The following RGS22 variants were observed in gnomAD, a reference collection of about 807,000 sequenced individuals.
RGS22 encodes the protein regulator of G protein signaling 22, also known as regulator of G-protein signaling 22.
RGS22 carries 148 observed loss-of-function variants against 172.9 expected under a neutral mutation model. That is an observed-to-expected ratio of 0.86 (90% CI 0.75 to 0.98). RGS22 has a LOEUF of 0.98. RGS22 is among the 50% of genes least tolerant of loss of function. The pLI is 0.00. For missense variants in RGS22, 1,347 were observed against 1,440.8 expected, an observed-to-expected ratio of 0.93 and a Z score of 1.05; for synonymous variants, 458 against 480.2, an observed-to-expected ratio of 0.95 and a Z score of 0.60.
At chr8:100,010,571 T>C (rs1816265779) in intron 14 of RGS22, among the ~76,000 whole-genome samples, 1 of 152,218 alleles carries the variant, frequency 6.6e-6, no homozygotes, top group South Asian at 2.1e-4. Flanking sequence ...TCTGCTGCTA[T>C]GCCTGTCACT....
chr8:100,044,642 T>TC (rs34492372), intron 11 of RGS22, among the ~76,000 whole-genome samples: 2 of 151,276 alleles, frequency 1.3e-5, no homozygotes, highest in South Asian at 2.1e-4. Context: ...TTTTTTTTTT[T>TC]CGGATTATCT....
chr8:99,968,757 G>T (rs1383898533), intron 23 of RGS22, among the ~76,000 whole-genome samples: 1 of 152,168 alleles, frequency 6.6e-6, no homozygotes, highest in Non-Finnish European at 1.5e-5. Flanking sequence ...CAATTGTTTG[G>T]TGTACCTGAA....
rs772801838 is a variant in RGS22 at position 100,040,076 on chromosome 8, C to T, written c.1950G>A (p.Val650=). 19 of 1,608,778 alleles carry T rather than the reference C, an allele frequency of 1.2e-5. No homozygotes were observed. In the East Asian group the frequency reaches 4.0e-4, roughly 34 times the overall value. The change falls in exon 13 of 28, where the codon GTG becomes GTA. Residue 650 remains valine (V), a synonymous_variant. Coordinates refer to ENST00000360863, the MANE Select transcript of RGS22 (RefSeq NM_015668.5). ...ATCCTCCCAAGGCACCAACATCTGACACGGTTTTAACCTAGATAACAAAAC... is the reference window on the plus strand; with the variant it reads ...ATCCTCCCAAGGCACCAACATCTGATACGGTTTTAACCTAGATAACAAAAC... ...AYTEEPRVKT[V]SDVGALGGSD... is the part of the protein sequence containing the mutation.
In RGS22 at chr8:100,008,511, T is replaced by C. The variant is rs1237968558; in HGVS notation, c.2225A>G (p.Glu742Gly). The C allele has an allele frequency of 1.2e-6, 2 of 1,613,290 alleles. No homozygotes were observed. Among genetic ancestry groups the C allele is most frequent in the South Asian group, 2.2e-5 (2 of 90,852 alleles). ...SATLDIGLQQ[E>G]KKKEIYMKIQ... ...TTTCATATAAATTTCTTTTTTCTTT[T>C]CCTGTTGGAGTCCAATGTCAAGAGT... is the stretch of plus-strand genomic sequence containing the variant. Residue 742 changes from glutamate to glycine, a missense_variant, in exon 15 of 28, where the codon GAA (glutamate) becomes GGA (glycine). By Grantham distance (98) the Glu-to-Gly change is moderately conservative. Transcript: ENST00000360863.
intron 3 of RGS22, among the ~76,000 whole-genome samples, chr8:100,081,391 T>C (rs1381710252): frequency 6.8e-6 from 1 of 147,760 alleles, no homozygotes; most frequent in African/African-American, 2.5e-5. Context: ...TATTTAAATT[T>C]TAATGTCTCA....
At chr8:99,994,283 A>G (rs540163366) in intron 20 of RGS22, among the ~76,000 whole-genome samples, 62 of 152,286 alleles carry the variant, frequency 4.1e-4, no homozygotes, top group African/African-American at 1.4e-3. Flanking sequence ...GGCAAGAGAA[A>G]GAAATAAAGG....
intron 9 of RGS22, among the ~76,000 whole-genome samples, chr8:100,056,128 TG>T (rs1039652414): frequency 8.5e-5 from 13 of 152,178 alleles, no homozygotes; most frequent in African/African-American, 2.9e-4. Context: ...AGGAATTTGT[TG>T]GGACATGGAG....
At position 100,009,705 on chromosome 8, in the gene RGS22, G is replaced by C. The variant is rs531137391; in HGVS notation, c.2167-1136C>G. ...TAGAATTTGAAACTGATAATATCTA[G>C]ATCAACTCAGAATAGACAGATACAG... is the stretch of plus-strand genomic sequence containing the variant. On this transcript the variant is annotated intron_variant, in intron 14 of 27. Coordinates refer to ENST00000360863, the MANE Select transcript of RGS22 (RefSeq NM_015668.5). 8.5e-5 allele frequency among the ~76,000 whole-genome samples: 13 copies of C among 152,188 alleles called. No individual in the cohort carries two copies. The East Asian group carries it at 1.7e-3, about 20-fold the overall frequency.
chr8:99,962,258 G>C, intron 27 of RGS22, 136 bp downstream of exon 27: 1 of 609,980 alleles, frequency 1.6e-6, no homozygotes. Flanking sequence ...GGGAGGCAAG[G>C]CTCTCCTCCC....
intron 3 of RGS22, among the ~76,000 whole-genome samples, chr8:100,089,107 T>C (rs1812367522): frequency 6.6e-6 from 1 of 151,564 alleles, no homozygotes; most frequent in South Asian, 2.1e-4. Context: ...GCTCCTGAGA[T>C]AAAATAAACA....
chr8:100,007,252 C>T (rs1195022721), intron 15 of RGS22, among the ~76,000 whole-genome samples: 1 of 152,196 alleles, frequency 6.6e-6, no homozygotes, highest in Admixed American at 6.5e-5. Context: ...AATGCAAAGG[C>T]AGCAGAGTTC....
At chr8:100,012,090 T>C (rs558611830) in intron 14 of RGS22, among the ~76,000 whole-genome samples, 1 of 151,426 alleles carries the variant, frequency 6.6e-6, no homozygotes, top group East Asian at 2.0e-4. Context: ...ATGGTGTTAA[T>C]AATATATATT....
At chr8:99,982,648 C>T (rs907636645) in intron 21 of RGS22, among the ~76,000 whole-genome samples, 7 of 152,208 alleles carry the variant, frequency 4.6e-5, no homozygotes, top group Admixed American at 1.3e-4. Flanking sequence ...CCTGCTTCTA[C>T]GCCAAGGTGA....
chr8:99,968,599 T>C (rs558755754), intron 23 of RGS22, among the ~76,000 whole-genome samples: 209 of 151,814 alleles, frequency 1.4e-3, no homozygotes, highest in African/African-American at 5.0e-3. Context: ...CCAATATCAA[T>C]AGCTAGACTG....
At chr8:100,030,068 G>A (rs564050804) in intron 14 of RGS22, among the ~76,000 whole-genome samples, 1 of 152,290 alleles carries the variant, frequency 6.6e-6, no homozygotes, top group Non-Finnish European at 1.5e-5. Context: ...GGTTAAGAGT[G>A]ACATGAAATA....
intron 3 of RGS22, among the ~76,000 whole-genome samples, chr8:100,088,379 T>C (rs774754066): frequency 6.6e-6 from 1 of 152,004 alleles, no homozygotes; most frequent in Admixed American, 6.6e-5. Flanking sequence ...TAAATCTACG[T>C]GGGCTCATCT....
chr8:100,076,641 T>C (rs564825870), intron 4 of RGS22, among the ~76,000 whole-genome samples: 1 of 152,324 alleles, frequency 6.6e-6, no homozygotes, highest in South Asian at 2.1e-4. Context: ...GTAATAGATG[T>C]AGGACTATTC....
At chr8:100,080,605 T>C (rs1811683360) in intron 3 of RGS22, 2 of 411,978 alleles carry the variant, frequency 4.9e-6, no homozygotes, top group South Asian at 6.2e-5. Context: ...ATTCCCTTTG[T>C]ATAAACATCT....
At position 99,987,494 on chromosome 8, in the gene RGS22, A is replaced by G. The variant is rs370688344; in HGVS notation, c.3144T>C (p.Asn1048=). ...GTACTTCTTGCCAAAAGAGTAAACC[A>G]TTTTCCAATAAATCTCCTTTTAGAG... ...FVALKGDLLE[N]GLLFWQEVQK... Residue 1048 remains asparagine, a synonymous_variant, in exon 21 of 28, where the codon AAT becomes AAC. Coordinates refer to ENST00000360863, the MANE Select transcript of RGS22 (RefSeq NM_015668.5). The G allele has an allele frequency of 8.7e-6, 14 of 1,611,502 alleles. No individual in the cohort carries two copies. The highest frequency in any genetic ancestry group is 1.3e-5 in the African/African-American group (1 of 74,872).
Sources: gnomAD v4.1 joint callset for allele counts (sites outside exome capture counted in the v4.1 genomes callset) on GRCh38, gnomAD v4.1.1 for gene constraint, MANE v1.5 for transcripts, NCBI Gene and HGNC (gene_info 2026-07-23, HGNC 2026-07-21) for gene names.